The following FGF2 variants were observed in gnomAD, a reference collection of about 807,000 sequenced individuals.
FGF2 encodes the protein fibroblast growth factor 2, also known as basic fibroblast growth factor bFGF.
In FGF2, 13 loss-of-function variants were observed where a neutral mutation model predicts 15.9. The ratio of observed to expected loss-of-function variants is 0.82; its 90% CI spans 0.53 to 1.30. The LOEUF is 1.30. FGF2 is among the 50% of genes most tolerant of loss of function. FGF2 has a pLI of 0.00. For missense variants in FGF2, 163 were observed against 196.9 expected (o/e 0.83, Z 1.03); for synonymous variants, 90 against 78.4 (o/e 1.15, Z -0.78).
chr4:122,859,374 C>T (rs1354692195), intron 1 of FGF2, among the ~76,000 whole-genome samples: 2 of 151,964 alleles, frequency 1.3e-5, no homozygotes, highest in Non-Finnish European at 2.9e-5. Context: ...CAGTATTTCC[C>T]TTGGGAAATA....
chr4:122,859,694 G>A (rs1008867299), intron 1 of FGF2, among the ~76,000 whole-genome samples: 2 of 151,070 alleles, frequency 1.3e-5, no homozygotes, highest in African/African-American at 4.9e-5. Context: ...TATAACAACT[G>A]TTTCCCATCG....
rs1006174514 is a variant in FGF2 at position 122,827,688 on chromosome 4, T to G, written c.178+336T>G. On this transcript the variant is annotated intron_variant, in intron 1 of 2. Transcript: ENST00000644866. This position sits in a 1 kb window ranked among gnomAD's most constrained non-coding sequence, Gnocchi z 4.2. ...GTCGGGGATGCCCGCGGCCCCGCCA[T>G]GCAGCTCTGGCCGCTTCTATCTGCT... Among the ~76,000 whole-genome samples the G allele has an allele frequency of 1.3e-5, 2 of 152,148 alleles. No individual in the cohort carries two copies. Among genetic ancestry groups the G allele is most frequent in the East Asian group, 3.9e-4 (2 of 5,174 alleles).
intron 1 of FGF2, among the ~76,000 whole-genome samples, chr4:122,828,890 T>C (rs934880144): frequency 6.6e-6 from 1 of 152,260 alleles, no homozygotes; most frequent in Non-Finnish European, 1.5e-5. Context: ...AGTTGTCTGC[T>C]ACGCCATCTC....
At position 122,895,325 on chromosome 4, in the gene FGF2, G is replaced by A. The variant is rs764883431; in HGVS notation, c.*2929G>A. On this transcript the variant is annotated 3_prime_UTR_variant, in exon 3 of 3. Transcript: ENST00000644866. The stretch of plus-strand genomic sequence containing the variant: ...ACTAAGAGGTTTTGTTTTTATTTTT[G>A]CTGATGAAGAGATATGTTTAAATAT... The A allele has an allele frequency of 1.3e-5, 2 of 152,096 alleles. No individual in the cohort carries two copies. Among genetic ancestry groups the A allele is most frequent in the African/African-American group, 2.4e-5 (1 of 41,406 alleles). 9.4% of individuals were successfully genotyped at this position (152,096 alleles called of 1,614,324 possible). A position where few individuals can be genotyped will look rare whatever the true frequency, so the allele number is the denominator to read the frequency against.
intron 2 of FGF2, among the ~76,000 whole-genome samples, chr4:122,891,379 AT>A (rs1481902992): frequency 6.7e-6 from 1 of 148,544 alleles, no homozygotes; most frequent in Non-Finnish European, 1.5e-5. Flanking sequence ...ATTAAATTCC[AT>A]TACTTGGAGT....
At chr4:122,845,601 G>A (rs1299363501) in intron 1 of FGF2, among the ~76,000 whole-genome samples, 1 of 152,200 alleles carries the variant, frequency 6.6e-6, no homozygotes, top group African/African-American at 2.4e-5. Context: ...GTGTTACCTT[G>A]CATGTTTATG....
chr4:122,879,590 A>T (rs571536967), intron 2 of FGF2, among the ~76,000 whole-genome samples: 3 of 152,348 alleles, frequency 2.0e-5, no homozygotes, highest in East Asian at 3.9e-4. Flanking sequence ...AACCTAGTGC[A>T]TTAGTCCATT....
intron 1 of FGF2, among the ~76,000 whole-genome samples, chr4:122,848,664 G>A (rs1400476530): frequency 6.6e-6 from 1 of 152,236 alleles, no homozygotes; most frequent in East Asian, 1.9e-4. Flanking sequence ...TGATTACATA[G>A]CACTGGTGGT....
chr4:122,862,029 G>A (rs1469661785), intron 1 of FGF2, among the ~76,000 whole-genome samples: 1 of 152,026 alleles, frequency 6.6e-6, no homozygotes, highest in Non-Finnish European at 1.5e-5. Context: ...TTACAGTATT[G>A]AGCTTTAGTT....
chr4:122,872,619 CA>C (rs1293605064), intron 1 of FGF2, among the ~76,000 whole-genome samples: 1 of 152,012 alleles, frequency 6.6e-6, no homozygotes, highest in Non-Finnish European at 1.5e-5. Context: ...TAAGGGCAGC[CA>C]GAGAGAAAGG....
chr4:122,842,082 T>C (rs1451566490), intron 1 of FGF2, among the ~76,000 whole-genome samples: 1 of 152,212 alleles, frequency 6.6e-6, no homozygotes, highest in African/African-American at 2.4e-5. Context: ...ATTCCTCTCT[T>C]TTTCTAGAAG....
intron 2 of FGF2, chr4:122,888,969 A>G (rs1180350347): frequency 6.6e-6 from 1 of 152,172 alleles, no homozygotes; most frequent in Admixed American, 6.5e-5. Context: ...AGAAGAAAAA[A>G]ATATATAGAT....
At chr4:122,835,794 T>C (rs982028280) in intron 1 of FGF2, among the ~76,000 whole-genome samples, 3 of 152,198 alleles carry the variant, frequency 2.0e-5, no homozygotes, top group African/African-American at 7.2e-5. Flanking sequence ...CCTTATTTCT[T>C]ACTGTTTACC....
chr4:122,855,153 T>C (rs746198109), intron 1 of FGF2, among the ~76,000 whole-genome samples: 6 of 152,168 alleles, frequency 3.9e-5, no homozygotes, highest in Non-Finnish European at 8.8e-5. Flanking sequence ...AACAAGCTGG[T>C]TGCATTATCT....
At chr4:122,833,266 T>C (rs1452418593) in intron 1 of FGF2, among the ~76,000 whole-genome samples, 1 of 152,152 alleles carries the variant, frequency 6.6e-6, no homozygotes, top group Non-Finnish European at 1.5e-5. Flanking sequence ...AGATGAATTA[T>C]CCAATAGAAT....
intron 2 of FGF2, among the ~76,000 whole-genome samples, chr4:122,889,624 A>T (rs183075694): frequency 6.6e-6 from 1 of 152,318 alleles, no homozygotes; most frequent in African/African-American, 2.4e-5. Context: ...TTTCAAGAGC[A>T]AAACAGTTGT....
At chr4:122,835,366 A>G (rs1578449886) in intron 1 of FGF2, among the ~76,000 whole-genome samples, 1 of 151,630 alleles carries the variant, frequency 6.6e-6, no homozygotes, top group Admixed American at 6.6e-5. Context: ...TATTCCCCCA[A>G]GGTTCTGTTT....
intron 1 of FGF2, among the ~76,000 whole-genome samples, chr4:122,849,278 A>G (rs1167734353): frequency 6.6e-6 from 1 of 152,242 alleles, no homozygotes; most frequent in Non-Finnish European, 1.5e-5. Context: ...AGCCACAAAA[A>G]GGATGAGTTC....
intron 2 of FGF2, among the ~76,000 whole-genome samples, chr4:122,886,359 C>T (rs1727059786): frequency 6.6e-6 from 1 of 152,114 alleles, no homozygotes; most frequent in Non-Finnish European, 1.5e-5. Flanking sequence ...GCTTACCTGG[C>T]TGAGGTAGTA....
Sources: allele counts gnomAD v4.1 joint callset (sites outside exome capture counted in the v4.1 genomes callset), GRCh38; gene constraint gnomAD v4.1.1; non-coding constraint Gnocchi (gnomAD v3.1); transcripts MANE v1.5; gene names NCBI Gene and HGNC (gene_info 2026-07-23, HGNC 2026-07-21).